The following RALYL variants were observed in gnomAD, a reference collection of about 807,000 sequenced individuals.
RALYL encodes the protein RNA-binding Raly-like protein.
RALYL carries 29 observed loss-of-function variants against 35.1 expected under a neutral mutation model. The ratio of observed to expected loss-of-function variants is 0.83; its 90% confidence interval spans 0.61 to 1.13. The LOEUF (loss-of-function observed/expected upper bound fraction) is 1.13, where lower values mean the gene tolerates loss of function less well. Among genes scored for constraint, RALYL ranks in the 50% most tolerant of loss-of-function variants. The pLI, the probability that RALYL is intolerant of heterozygous loss-of-function variation, is 0.00. For synonymous variants in RALYL, 120 were observed against 127.6 expected, an observed-to-expected ratio of 0.94 and a Z score of 0.40; for missense variants, 359 against 360.4, an observed-to-expected ratio of 1.00 and a Z score of 0.03.
chr8:84,482,465 T>G (rs1203212869), intron 1 of RALYL, among the ~76,000 whole-genome samples: 1 of 152,064 alleles, frequency 6.6e-6, no homozygotes, highest in Non-Finnish European at 1.5e-5. Flanking sequence ...ATAATTGTCC[T>G]GTTTATTTGT....
intron 2 of RALYL, among the ~76,000 whole-genome samples, chr8:84,653,402 G>A (rs552446398): frequency 2.0e-5 from 3 of 151,990 alleles, no homozygotes; most frequent in South Asian, 4.2e-4. Flanking sequence ...ACACATTCTG[G>A]ACCTCACCTC....
chr8:84,792,469 G>A (rs187970063), intron 3 of RALYL, among the ~76,000 whole-genome samples: 2 of 152,224 alleles, frequency 1.3e-5, no homozygotes, highest in South Asian at 2.1e-4. Flanking sequence ...TCCCCCTGGA[G>A]CTGGTGGTTT....
intron 1 of RALYL, among the ~76,000 whole-genome samples, chr8:84,415,385 G>A (rs911913420): frequency 9.9e-5 from 15 of 151,566 alleles, no homozygotes; most frequent in Admixed American, 3.9e-4. Context: ...GATTACAGGC[G>A]CCTGCCACGA....
At chr8:84,482,112 A>T (rs931346231) in intron 1 of RALYL, among the ~76,000 whole-genome samples, 1 of 152,106 alleles carries the variant, frequency 6.6e-6, no homozygotes, top group African/African-American at 2.4e-5. Flanking sequence ...ATTTTCTTTA[A>T]ATAATATGCT....
At chr8:84,466,153 G>T (rs2051589517) in intron 1 of RALYL, among the ~76,000 whole-genome samples, 2 of 130,390 alleles carry the variant, frequency 1.5e-5, no homozygotes, top group Admixed American at 7.9e-5. Context: ...CTGCCTAATT[G>T]CCCTGGCCAG....
At chr8:84,355,572 A>G (rs752928374) in intron 1 of RALYL, among the ~76,000 whole-genome samples, 3 of 150,488 alleles carry the variant, frequency 2.0e-5, no homozygotes, top group Non-Finnish European at 4.4e-5. Context: ...AAGAGGACCA[A>G]TATGGTCAAA....
chr8:84,856,783 C>G, intron 5 of RALYL, among the ~76,000 whole-genome samples: 1 of 151,458 alleles, frequency 6.6e-6, no homozygotes, highest in East Asian at 1.9e-4. Flanking sequence ...AATCCCAGCA[C>G]TTTGGGAGGC....
In RALYL at chr8:84,480,824, G is replaced by A. The variant is rs529434294; in HGVS notation, c.-23-48475G>A. ...CAGCTATGAAAATATGCCCAAAGTA[G>A]ACTTAATAATATTTGTTGTAATTAA... On this transcript the variant is annotated intron_variant, in intron 1 of 8. Coordinates refer to ENST00000521268, the MANE Select transcript of RALYL (RefSeq NM_173848.7). Among the ~76,000 whole-genome samples, 227 of 152,090 alleles carry A rather than the reference G, an allele frequency of 1.5e-3. 1 individual carries two copies. The highest frequency in any genetic ancestry group is 6.0e-3 in the South Asian group (29 of 4,828).
intron 2 of RALYL, among the ~76,000 whole-genome samples, chr8:84,643,685 C>A (rs553054084): frequency 6.6e-6 from 1 of 152,038 alleles, no homozygotes; most frequent in Admixed American, 6.6e-5. Flanking sequence ...GCTTGCAGAG[C>A]CCAGTAACAA....
chr8:84,223,947 A>G (rs1355479026), intron 1 of RALYL, among the ~76,000 whole-genome samples: 1 of 152,188 alleles, frequency 6.6e-6, no homozygotes, highest in Non-Finnish European at 1.5e-5. Context: ...CATTACTTAG[A>G]TATCCCAAAT....
In RALYL at chr8:84,390,467, G is replaced by T. The variant is rs111323689; in HGVS notation, c.-23-138832G>T. 4.7e-3 allele frequency among the ~76,000 whole-genome samples: 716 copies of T among 152,146 alleles called. 6 individuals carry two copies. The highest frequency in any genetic ancestry group is 0.014 in the African/African-American group (576 of 41,532). On this transcript the variant is annotated intron_variant, in intron 1 of 8. Coordinates refer to ENST00000521268, the MANE Select transcript of RALYL (RefSeq NM_173848.7). ...GTGGAATTCGGCTGTGAATCCATCT[G>T]GTCCTGGACTCTTTTTTGTTGGTAA...
intron 2 of RALYL, among the ~76,000 whole-genome samples, chr8:84,550,781 C>T (rs994191801): frequency 1.3e-5 from 2 of 151,696 alleles, no homozygotes; most frequent in African/African-American, 2.4e-5. Context: ...AATTAAGGCT[C>T]ATTATTAAAA....
intron 2 of RALYL, among the ~76,000 whole-genome samples, chr8:84,711,698 A>G (rs1475577566): frequency 6.6e-6 from 1 of 152,166 alleles, no homozygotes; most frequent in African/African-American, 2.4e-5. Context: ...CAACAGTGAT[A>G]ATAGGTTTGA....
At chr8:84,384,130 A>G (rs1346121614) in intron 1 of RALYL, among the ~76,000 whole-genome samples, 1 of 151,750 alleles carries the variant, frequency 6.6e-6, no homozygotes, top group Non-Finnish European at 1.5e-5. Context: ...TATCAAGAAG[A>G]GTAAGATATT....
chr8:84,669,796 T>C (rs1377985656), intron 2 of RALYL, among the ~76,000 whole-genome samples: 2 of 152,144 alleles, frequency 1.3e-5, no homozygotes, highest in Admixed American at 1.3e-4. Flanking sequence ...CCTAGATTCA[T>C]ACCATAGCTA....
intron 8 of RALYL, among the ~76,000 whole-genome samples, chr8:84,911,449 A>C (rs549854782): frequency 2.0e-5 from 3 of 152,284 alleles, no homozygotes; most frequent in African/African-American, 7.2e-5. Flanking sequence ...TAGAGCATAG[A>C]GATAAGAAGA....
chr8:84,505,196 T>C (rs2057059022), intron 1 of RALYL, among the ~76,000 whole-genome samples: 1 of 152,156 alleles, frequency 6.6e-6, no homozygotes, highest in African/African-American at 2.4e-5. Context: ...CTCGGTTTAG[T>C]ATCCAGTTCA....
rs181796872 is a variant in RALYL, at chr8:84,523,736, A to G, written c.-23-5563A>G. On this transcript the variant is annotated intron_variant, in intron 1 of 8. Coordinates refer to ENST00000521268, the MANE Select transcript of RALYL (RefSeq NM_173848.7). ...TGTGTCCATGTGATCTCATTGTTCA[A>G]TTCCCACCTGTGAGTTAGAATATGC... 1.8e-4 allele frequency among the ~76,000 whole-genome samples: 26 copies of G among 141,092 alleles called. No individual in the cohort carries two copies. The East Asian group carries it at 5.4e-3, about 29-fold the overall frequency. The allele number at this position is 141,092 out of a possible 152,430, so 92.6% of individuals were successfully genotyped here.
At chr8:84,551,986 GA>G (rs1049555790) in intron 2 of RALYL, among the ~76,000 whole-genome samples, 1 of 151,294 alleles carries the variant, frequency 6.6e-6, no homozygotes, top group African/African-American at 2.4e-5. Flanking sequence ...AGAATAACAG[GA>G]AAAAAAATAC....
Sources: allele counts gnomAD v4.1 joint callset (sites outside exome capture counted in the v4.1 genomes callset), GRCh38; gene constraint gnomAD v4.1.1; transcripts MANE v1.5; gene names NCBI Gene and HGNC (gene_info 2026-07-23, HGNC 2026-07-21).